Variants in ZNF341 observed in about 807,000 individuals in gnomAD.
ZNF341 encodes zinc finger protein 341.
A neutral mutation model predicts 87.7 loss-of-function variants in ZNF341; 52 were observed. The ratio of observed to expected loss-of-function variants is 0.59; its 90% CI spans 0.47 to 0.75. ZNF341 has a LOEUF of 0.75. Among genes scored for constraint, ZNF341 ranks in the 30% least tolerant of loss-of-function variants. The probability of loss-of-function intolerance (pLI) is 0.00; values close to 1 mark genes in which losing one functional copy is unlikely to be tolerated. For missense variants in ZNF341, 977 were observed against 1,145.9 expected (o/e 0.85, Z 2.13); for synonymous variants, 459 against 472.7 (o/e 0.97, Z 0.38).
Position 33,749,093 on chromosome 20 carries a change from C to T in ZNF341, c.489+21C>T, listed in dbSNP as rs771314525. 53 of 1,607,388 alleles carry T rather than the reference C, an allele frequency of 3.3e-5. No homozygotes were observed. In the South Asian group the frequency reaches 4.8e-4, roughly 14 times the overall value. On this transcript the variant is annotated intron_variant, in intron 4 of 14. Transcript: ENST00000375200. ...TGCAGGTAAGAAGGTGTGGGCTTCT[C>T]ACAGGGTCTTGATTCCAGACCTGTA...
At chr20:33,786,934 C>G (rs1197079551) in intron 12 of ZNF341, among the ~76,000 whole-genome samples, 3 of 147,776 alleles carry the variant, frequency 2.0e-5, no homozygotes, top group African/African-American at 7.6e-5. Context: ...AACCACTGCA[C>G]TCCAGCCTGG....
At chr20:33,744,968 C>G in intron 2 of ZNF341, 135 bp from the exon 3 acceptor site, 1 of 751,662 alleles carries the variant, frequency 1.3e-6, no homozygotes, top group East Asian at 2.6e-5. Flanking sequence ...CAGCATGCCC[C>G]CCAGATTGCT....
chr20:33,749,403 C>T (rs529487657), intron 4 of ZNF341, among the ~76,000 whole-genome samples: 6 of 152,204 alleles, frequency 3.9e-5, no homozygotes, highest in Non-Finnish European at 2.9e-5. Flanking sequence ...AGTGATTCTT[C>T]TGCCTCAGCC....
intron 2 of ZNF341, among the ~76,000 whole-genome samples, chr20:33,744,872 A>G (rs1035878222): frequency 6.6e-6 from 1 of 152,112 alleles, no homozygotes; most frequent in South Asian, 2.1e-4. Flanking sequence ...GATTACAGGC[A>G]TGAGCCACTG....
At position 33,791,282 on chromosome 20, in the gene ZNF341, A is replaced by G; in HGVS notation, c.2330A>G (p.Lys777Arg). The G allele has an allele frequency of 6.2e-7, 1 of 1,611,876 alleles. No individual in the cohort carries two copies. The highest frequency in any genetic ancestry group is 8.5e-7 in the Non-Finnish European group (1 of 1,179,584). The change falls in exon 15 of 15, where the codon AAG becomes AGG. Residue 777 changes from lysine to arginine, a missense_variant. Coordinates refer to ENST00000375200, the MANE Select transcript of ZNF341 (RefSeq NM_001282933.2). ...LPDPLGLEEL[K>R]DTGAGLVPEA... ...GACCCGCTGGGGCTGGAGGAGCTGA[A>G]GGACACAGGGGCTGGGCTGGTGCCC...
intron 4 of ZNF341, among the ~76,000 whole-genome samples, chr20:33,750,379 C>T (rs1307298241): frequency 1.3e-5 from 2 of 152,132 alleles, no homozygotes; most frequent in African/African-American, 4.8e-5. Context: ...ATTTTCTCAA[C>T]CGAGACTTTT....
chr20:33,772,192 C>G (rs1323266385), intron 10 of ZNF341, among the ~76,000 whole-genome samples: 3 of 151,950 alleles, frequency 2.0e-5, no homozygotes, highest in African/African-American at 7.3e-5. Context: ...CATGAAATCC[C>G]CCATCTGCAG....
chr20:33,744,298 A>G (rs572685336), intron 2 of ZNF341, among the ~76,000 whole-genome samples: 3 of 152,036 alleles, frequency 2.0e-5, no homozygotes, highest in East Asian at 3.9e-4. Flanking sequence ...AGAAAAAAAA[A>G]AAAAGAAAAG....
At chr20:33,749,590 C>A (rs2019012654) in intron 4 of ZNF341, among the ~76,000 whole-genome samples, 1 of 152,092 alleles carries the variant, frequency 6.6e-6, no homozygotes, top group African/African-American at 2.4e-5. Flanking sequence ...AGCCACTGTG[C>A]CCAGCCAATT....
At chr20:33,755,067 C>T (rs1177852303) in intron 5 of ZNF341, among the ~76,000 whole-genome samples, 1 of 152,104 alleles carries the variant, frequency 6.6e-6, no homozygotes, top group Non-Finnish European at 1.5e-5. Context: ...CTCAGCCTCC[C>T]AAGTAGCTGG....
At position 33,770,131 on chromosome 20, in the gene ZNF341, C is replaced by G. The variant is rs778194283; in HGVS notation, c.1461C>G (p.Leu487=). 13 of 1,613,898 alleles carry G rather than the reference C, an allele frequency of 8.1e-6. No homozygotes were observed. In the South Asian group the frequency reaches 1.4e-4, roughly 18 times the overall value. Residue 487 remains leucine, a synonymous_variant, in exon 10 of 15, where the codon CTC becomes CTG. Coordinates refer to ENST00000375200, the MANE Select transcript of ZNF341 (RefSeq NM_001282933.2). ...VKSCAQTFPK[L]DTFLEHIKSH... ...GCTGTGCCCAGACGTTCCCAAAGCT[C>G]GACACATTTCTGGAGCACATCAAGA...
rs542715930 is a variant in ZNF341 at position 33,745,200 on chromosome 20, C to T, written c.240C>T (p.Ala80=). The T allele has an allele frequency of 4.3e-6, 7 of 1,614,174 alleles. No individual in the cohort carries two copies. Among genetic ancestry groups the T allele is most frequent in the East Asian group, 2.2e-5 (1 of 44,882 alleles). ...THKREQCQGN[A]PALATVSLAT... ...AGCGGGAACAGTGCCAGGGGAATGC[C>T]CCCGCCCTGGCCACAGTCTCACTGG... Residue 80 remains alanine (A), a synonymous_variant, in exon 3 of 15, where the codon GCC becomes GCT. Coordinates refer to ENST00000375200, the MANE Select transcript of ZNF341 (RefSeq NM_001282933.2).
In ZNF341 at chr20:33,742,147, A is replaced by G. The variant is rs141636675; in HGVS notation, c.142+1135A>G. ...CTCTAGCTCCCACTTTGATTGGCAC[A>G]TTCCAGCCAACATGAAGGGAAGAAA... On this transcript the variant is annotated intron_variant, in intron 2 of 14. Coordinates refer to ENST00000375200, the MANE Select transcript of ZNF341 (RefSeq NM_001282933.2). Among the ~76,000 whole-genome samples the G allele has an allele frequency of 4.7e-4, 72 of 152,314 alleles. No individual in the cohort carries two copies. In the East Asian group the frequency reaches 0.013, roughly 27 times the overall value.
chr20:33,746,738 T>C (rs2018933872), intron 3 of ZNF341, among the ~76,000 whole-genome samples: 1 of 152,016 alleles, frequency 6.6e-6, no homozygotes, highest in Non-Finnish European at 1.5e-5. Context: ...ATGTTGGCAG[T>C]GGAGGTGGTG....
intron 10 of ZNF341, among the ~76,000 whole-genome samples, chr20:33,777,056 G>A (rs770407386): frequency 1.3e-5 from 2 of 148,486 alleles, no homozygotes; most frequent in Non-Finnish European, 3.0e-5. Flanking sequence ...GCTCATGCCT[G>A]TAATCCCAGC....
chr20:33,791,323 A>G lies in ZNF341; in HGVS notation c.2371A>G (p.Lys791Glu), dbSNP rs375448009. 7 of 1,611,732 alleles carry G rather than the reference A, an allele frequency of 4.3e-6. No homozygotes were observed. The highest frequency in any genetic ancestry group is 1.3e-5 in the African/African-American group (1 of 74,906). The part of the protein sequence containing the change: ...AGLVPEAVPG[K>E]PPFAEPDAVL... The stretch of plus-strand genomic sequence containing the variant: ...GCTGGTGCCCGAGGCTGTCCCCGGC[A>G]AGCCGCCCTTCGCAGAGCCGGACGC... Residue 791 changes from lysine to glutamate, a missense_variant, in exon 15 of 15, where the codon AAG (lysine) becomes GAG (glutamate). By Grantham distance (56) the Lys-to-Glu change is moderately conservative (BLOSUM62 1). Transcript: ENST00000375200.
At chr20:33,762,739 T>C (rs1369287320) in intron 8 of ZNF341, among the ~76,000 whole-genome samples, 3 of 152,092 alleles carry the variant, frequency 2.0e-5, no homozygotes, top group Non-Finnish European at 4.4e-5. Context: ...CCTGTGTCCA[T>C]GTGTTCTCAT....
intron 4 of ZNF341, chr20:33,752,115 C>CG (rs1265794028): frequency 1.0e-5 from 4 of 389,100 alleles, no homozygotes; most frequent in African/African-American, 8.5e-5. Context: ...CAAGCCCCCC[C>CG]CCCTTTTTTT....
chr20:33,760,914 A>AT (rs199767276), intron 7 of ZNF341, among the ~76,000 whole-genome samples: 62 of 151,366 alleles, frequency 4.1e-4, no homozygotes, highest in African/African-American at 9.2e-4. Context: ...TAGATCTTGC[A>AT]TTTTTTTTTG....
Sources: allele counts gnomAD v4.1 joint callset (sites outside exome capture counted in the v4.1 genomes callset), GRCh38; gene constraint gnomAD v4.1.1; transcripts MANE v1.5; gene names NCBI Gene and HGNC (gene_info 2026-07-23, HGNC 2026-07-21).